The following NCKAP5L variants were observed in gnomAD, a reference collection of about 807,000 sequenced individuals.
NCKAP5L encodes nck-associated protein 5-like.
Under a neutral mutation model 103.2 loss-of-function variants are expected in NCKAP5L, and 54 were observed. The observed-to-expected ratio is 0.52, with a 90% CI of 0.42 to 0.66. The LOEUF is 0.66. Among genes scored for constraint, NCKAP5L ranks in the 30% least tolerant of loss-of-function variants. NCKAP5L has a pLI of 0.00. For missense variants in NCKAP5L, 1,733 were observed against 1,750.6 expected (o/e 0.99, Z 0.18); for synonymous variants, 762 against 748.6 (o/e 1.02, Z -0.29).
At chr12:49,821,258 C>T (rs1166047047) in intron 1 of NCKAP5L, among the ~76,000 whole-genome samples, 2 of 152,198 alleles carry the variant, frequency 1.3e-5, no homozygotes, top group Admixed American at 6.5e-5. Flanking sequence ...CCCCCATCCC[C>T]ACCCCCCAAC....
chr12:49,827,834 G>C (rs1168328899), intron 1 of NCKAP5L, among the ~76,000 whole-genome samples: 5 of 152,240 alleles, frequency 3.3e-5, no homozygotes, highest in Non-Finnish European at 7.3e-5. Flanking sequence ...CACGGGGAAT[G>C]GGAAGGAGTG....
chr12:49,795,683 C>A lies in NCKAP5L; in HGVS notation c.2177G>T (p.Arg726Leu). ...GTTTGTGCCCAAGGCCACTGCCCCC[C>A]GTATCCCCCCCTTGGCTTCTAGCTG... is the stretch of plus-strand genomic sequence containing the variant. ...LEQLEAKGGI[R>L]GAVALGTNSL... is the part of the protein sequence containing the mutation. The change falls in exon 8 of 13, where the codon CGG becomes CTG. Residue 726 changes from arginine (R) to leucine (L), a missense_variant. Arg to Leu is a moderately radical substitution (Grantham distance 102, BLOSUM62 -2). Transcript: ENST00000335999. 2 of 1,612,694 alleles carry A rather than the reference C, an allele frequency of 1.2e-6. No individual in the cohort carries two copies. The highest frequency in any genetic ancestry group is 1.7e-6 in the Non-Finnish European group (2 of 1,179,384).
At chr12:49,801,704 G>T in intron 6 of NCKAP5L, 144 bp downstream of exon 6, 2 of 990,744 alleles carry the variant, frequency 2.0e-6, no homozygotes, top group East Asian at 2.7e-5. Flanking sequence ...CAGGGGACTT[G>T]GGTAGTTTCC....
chr12:49,818,458 G>A (rs889517949), intron 1 of NCKAP5L, among the ~76,000 whole-genome samples: 3 of 152,122 alleles, frequency 2.0e-5, no homozygotes, highest in African/African-American at 7.2e-5. Flanking sequence ...CCTGGGCTCA[G>A]CTGATCCTCC....
In NCKAP5L at chr12:49,827,099, C is replaced by T. The variant is rs1946425455; in HGVS notation, c.-99+1223G>A. Among the ~76,000 whole-genome samples, 3 of 152,236 alleles carry T rather than the reference C, an allele frequency of 2.0e-5. No individual in the cohort carries two copies. The South Asian group carries it at 6.2e-4, about 32-fold the overall frequency. ...CAAGGAGTCTCAGAGAGCCAGATGG[C>T]GTAATGTCTGCAAGGGAGGGTCTGC... On this transcript the variant is annotated intron_variant, in intron 1 of 12. Transcript: ENST00000335999.
Position 49,795,259 on chromosome 12 carries a change from G to A in NCKAP5L, c.2601C>T (p.Pro867=), listed in dbSNP as rs1946016054. The A allele has an allele frequency of 3.2e-6, 5 of 1,543,972 alleles. No homozygotes were observed. Among genetic ancestry groups the A allele is most frequent in the Admixed American group, 2.0e-5 (1 of 49,374 alleles). ...CCTCAGGGCCCTGACTTGGGTCAGT[G>A]GGGCCAGGTACTAGGGGTGTGGACT... ...TAQSTPLVPG[P]TDPSQGPEGL... The change falls in exon 8 of 13, where the codon CCC becomes CCT. Residue 867 remains proline, a synonymous_variant. Transcript: ENST00000335999.
Position 49,798,336 on chromosome 12 carries a change from C to T in NCKAP5L, c.465+14G>A. On this transcript the variant is annotated intron_variant, in intron 7 of 12. Coordinates refer to ENST00000335999, the MANE Select transcript of NCKAP5L (RefSeq NM_001037806.4). The stretch of plus-strand genomic sequence containing the variant: ...CATCAGTGGAGTACTGACCACAATA[C>T]CTAGCCCTCCTACCTCTCTCTGCCC... 1 of 1,546,340 alleles carries T rather than the reference C, an allele frequency of 6.5e-7. No homozygotes were observed. Among genetic ancestry groups the T allele is most frequent in the Non-Finnish European group, 8.8e-7 (1 of 1,141,382 alleles).
At chr12:49,809,482 G>C (rs1946216610) in intron 1 of NCKAP5L, among the ~76,000 whole-genome samples, 2 of 152,166 alleles carry the variant, frequency 1.3e-5, no homozygotes, top group Non-Finnish European at 1.5e-5. Flanking sequence ...ACCAGGAGTG[G>C]GGGAGGGTGG....
Position 49,795,170 on chromosome 12 carries a change from C to T in NCKAP5L, c.2690G>A (p.Arg897Gln), listed in dbSNP as rs1055278242. 7 of 1,604,508 alleles carry T rather than the reference C, an allele frequency of 4.4e-6. No individual in the cohort carries two copies. The highest frequency in any genetic ancestry group is 4.0e-5 in the African/African-American group (3 of 74,266). Residue 897 changes from arginine (R) to glutamine (Q), a missense_variant, in exon 8 of 13, where the codon CGG (arginine) becomes CAG (glutamine). Coordinates refer to ENST00000335999, the MANE Select transcript of NCKAP5L (RefSeq NM_001037806.4). ...VMKGIEENVL[R>Q]LQGQERAPGA... ...AGGGGCTCGCTCCTGGCCCTGGAGC[C>T]GCAGCACGTTCTCCTCAATGCCCTT...
chr12:49,794,464 T>C (rs770404935), intron 8 of NCKAP5L, among the ~76,000 whole-genome samples: 22 of 152,334 alleles, frequency 1.4e-4, no homozygotes, highest in Non-Finnish European at 2.8e-4. Flanking sequence ...AGTTAGGCTC[T>C]AGCCTTCACT....
At chr12:49,799,918 G>A (rs574047740) in intron 6 of NCKAP5L, among the ~76,000 whole-genome samples, 38 of 152,318 alleles carry the variant, frequency 2.5e-4, no homozygotes, top group South Asian at 2.1e-4. Flanking sequence ...CCATCCGGCC[G>A]GGCATGGTGG....
chr12:49,795,874 C>G lies in NCKAP5L; in HGVS notation c.1986G>C (p.Arg662=). 1.3e-6 allele frequency: 2 copies of G among 1,556,970 alleles called. No individual in the cohort carries two copies. The highest frequency in any genetic ancestry group is 1.7e-6 in the Non-Finnish European group (2 of 1,156,178). The stretch of plus-strand genomic sequence containing the variant: ...GCTTCCCCAGGGCCGCCAGTCTGTC[C>G]CGCAGAGGTGTGCTGCCAGGATCCC... ...RPGDPGSTPL[R]DRLAALGKLK... The change falls in exon 8 of 13, where the codon CGG becomes CGC. Residue 662 remains arginine (R), a synonymous_variant. Coordinates refer to ENST00000335999, the MANE Select transcript of NCKAP5L (RefSeq NM_001037806.4).
intron 1 of NCKAP5L, among the ~76,000 whole-genome samples, chr12:49,808,504 A>T (rs1278552267): frequency 6.6e-6 from 1 of 152,172 alleles, no homozygotes; most frequent in African/African-American, 2.4e-5. Flanking sequence ...GTCTGAGTTC[A>T]AGATTTCTAA....
At chr12:49,805,195 CCAGA>C (rs979349049) in intron 2 of NCKAP5L, 1 of 152,402 alleles carries the variant, frequency 6.6e-6, no homozygotes, top group Non-Finnish European at 1.5e-5. Flanking sequence ...GCCTCCCCCA[CCAGA>C]CAGTCAACTC....
At chr12:49,817,987 G>C (rs1236809365) in intron 1 of NCKAP5L, among the ~76,000 whole-genome samples, 1 of 152,104 alleles carries the variant, frequency 6.6e-6, no homozygotes, top group Non-Finnish European at 1.5e-5. Context: ...AAATTAGCTG[G>C]GTGTGGTGGC....
intron 5 of NCKAP5L, chr12:49,802,635 T>G: frequency 2.8e-6 from 1 of 359,364 alleles, no homozygotes; most frequent in East Asian, 4.9e-5. Flanking sequence ...TGTCAAGAAG[T>G]TATCCACCAT....
intron 6 of NCKAP5L, among the ~76,000 whole-genome samples, chr12:49,799,960 C>T (rs1213898436): frequency 1.3e-5 from 2 of 152,222 alleles, no homozygotes; most frequent in Non-Finnish European, 2.9e-5. Context: ...CTTTGGGAGG[C>T]AGAGGCGGGT....
In NCKAP5L at chr12:49,796,399, G is replaced by A. The variant is rs201787658; in HGVS notation, c.1461C>T (p.Pro487=). The part of the protein sequence containing the change: ...SPQLPRNSRI[P]CRNSGSDGSP... ...TGCCGTCTGAGCCACTGTTCCGACA[G>A]GGGATTCGCGAGTTCCGGGGGAGCT... is the stretch of plus-strand genomic sequence containing the variant. The change falls in exon 8 of 13, where the codon CCC becomes CCT. Residue 487 remains proline (P), a synonymous_variant. Transcript: ENST00000335999. 332 of 1,577,712 alleles carry A rather than the reference G, an allele frequency of 2.1e-4. No individual in the cohort carries two copies. Among genetic ancestry groups the A allele is most frequent in the Non-Finnish European group, 3.6e-5 (42 of 1,162,194 alleles).
chr12:49,813,724 C>T (rs1387421073), intron 1 of NCKAP5L, among the ~76,000 whole-genome samples: 1 of 152,044 alleles, frequency 6.6e-6, no homozygotes, highest in East Asian at 1.9e-4. Context: ...GATGGGGTTT[C>T]ACCATGTTGG....
Sources: allele counts gnomAD v4.1 joint callset (sites outside exome capture counted in the v4.1 genomes callset), GRCh38; gene constraint gnomAD v4.1.1; transcripts MANE v1.5; gene names NCBI Gene and HGNC (gene_info 2026-07-23, HGNC 2026-07-21).